RPS6KA5: variants seen among roughly 807,000 people sequenced by gnomAD.
The protein encoded by RPS6KA5 is ribosomal protein S6 kinase alpha-5.
RPS6KA5 carries 27 observed loss-of-function variants against 85.5 expected under a neutral mutation model. The observed-to-expected ratio is 0.32, with a 90% CI of 0.23 to 0.44. RPS6KA5 has a LOEUF of 0.44. Ranked by LOEUF, RPS6KA5 falls within the 20% of genes least tolerant of loss-of-function variation. The pLI, the probability that RPS6KA5 is intolerant of heterozygous loss-of-function variation, is 1.00. For synonymous variants in RPS6KA5, 334 were observed against 348.2 expected (o/e 0.96, Z 0.46); for missense variants, 811 against 980.9 (o/e 0.83, Z 2.31).
chr14:91,030,707 C>A (rs2042156233), intron 1 of RPS6KA5, among the ~76,000 whole-genome samples: 1 of 148,074 alleles, frequency 6.8e-6, no homozygotes, highest in Non-Finnish European at 1.5e-5. Context: ...GTATAATTAT[C>A]CTTAAGGAGG....
intron 1 of RPS6KA5, among the ~76,000 whole-genome samples, chr14:91,003,520 T>C (rs2040873021): frequency 6.6e-6 from 1 of 152,208 alleles, no homozygotes; most frequent in Non-Finnish European, 1.5e-5. Context: ...CTTTGGCTGC[T>C]ACAGGAGCTC....
At chr14:90,964,258 G>C (rs565944536) in intron 3 of RPS6KA5, among the ~76,000 whole-genome samples, 1 of 152,264 alleles carries the variant, frequency 6.6e-6, no homozygotes, top group East Asian at 1.9e-4. Flanking sequence ...CGGCTATGTA[G>C]CCTTGGGCGC....
At chr14:90,935,601 T>C (rs2037212983) in intron 5 of RPS6KA5, among the ~76,000 whole-genome samples, 1 of 152,182 alleles carries the variant, frequency 6.6e-6, no homozygotes. Flanking sequence ...AAAATGCCTC[T>C]TACATTGTCC....
chr14:90,998,138 T>C (rs1024277828), intron 2 of RPS6KA5, among the ~76,000 whole-genome samples: 1 of 152,052 alleles, frequency 6.6e-6, no homozygotes, highest in South Asian at 2.1e-4. Flanking sequence ...TACCTTTATA[T>C]GAAATGCCTA....
intron 3 of RPS6KA5, among the ~76,000 whole-genome samples, chr14:90,964,976 T>A (rs549880480): frequency 1.3e-5 from 2 of 148,922 alleles, no homozygotes; most frequent in African/African-American, 2.5e-5. Flanking sequence ...CAAACTTGGA[T>A]TGGCAAGTCA....
chr14:90,883,314 G>A (rs562858811), intron 14 of RPS6KA5, among the ~76,000 whole-genome samples: 174 of 151,748 alleles, frequency 1.1e-3, no homozygotes, highest in African/African-American at 4.0e-3. Flanking sequence ...GGCTCTGTTC[G>A]CTTTTTTTCA....
chr14:90,911,894 G>C (rs576079778), intron 7 of RPS6KA5, among the ~76,000 whole-genome samples: 2 of 152,234 alleles, frequency 1.3e-5, no homozygotes, highest in South Asian at 4.2e-4. Context: ...ACAATAAAAT[G>C]AGTTTCGCTT....
rs57029403 is a variant in RPS6KA5, at chr14:90,912,904, C to CTTTTTT, written c.807-6611_807-6606dup. ...TCTTCTTCACTGTCACATAAAGCAT[C>CTTTTTT]TTTTTTTTTTTTTTTTTTTTTTTTT... On this transcript the variant is annotated intron_variant, in intron 7 of 16. Transcript: ENST00000614987. 7.1e-4 allele frequency among the ~76,000 whole-genome samples: 38 copies of CTTTTTT among 53,284 alleles called. 2 individuals carry two copies. The highest frequency in any genetic ancestry group is 2.1e-3 in the East Asian group (3 of 1,432). 35.0% of individuals were successfully genotyped at this position (53,284 alleles called of 152,430 possible).
intron 8 of RPS6KA5, among the ~76,000 whole-genome samples, chr14:90,904,159 CA>C (rs1339847124): frequency 9.2e-5 from 14 of 152,108 alleles, no homozygotes; most frequent in South Asian, 2.1e-4. Flanking sequence ...CTGTGTTAGC[CA>C]GGATGGTCTC....
chr14:91,028,488 T>C (rs906699892), intron 1 of RPS6KA5, among the ~76,000 whole-genome samples: 5 of 151,958 alleles, frequency 3.3e-5, no homozygotes, highest in Non-Finnish European at 7.4e-5. Flanking sequence ...AGTGTTGGGA[T>C]TACAGGCATG....
rs1262610993 is a variant in RPS6KA5 at position 90,854,602 on chromosome 14, T to C, written c.*17472A>G. ...AGATTCCACAGCAAGGACACTGGAA[T>C]TTAAAAATCTGGAATACTTTAACAG... is the stretch of plus-strand genomic sequence containing the variant. On this transcript the variant is annotated 3_prime_UTR_variant, in exon 17 of 17. Coordinates refer to ENST00000614987, the MANE Select transcript of RPS6KA5 (RefSeq NM_004755.4). 1 of 152,156 alleles carries C rather than the reference T, an allele frequency of 6.6e-6. No individual in the cohort carries two copies. Among genetic ancestry groups the C allele is most frequent in the Non-Finnish European group, 1.5e-5 (1 of 68,006 alleles). The allele number at this position is 152,156 out of a possible 1,614,324, so 9.4% of individuals were successfully genotyped here. A position where few individuals can be genotyped will look rare whatever the true frequency, so the allele number is the denominator to read the frequency against.
chr14:90,920,287 C>T lies in RPS6KA5; in HGVS notation c.725G>A (p.Gly242Asp), dbSNP rs1032824605. The change falls in exon 7 of 17, where the codon GGT becomes GAT. Residue 242 changes from glycine (G) to aspartate (D), a missense_variant. Physicochemically the swap from Gly to Asp is moderately conservative, Grantham distance 94 (BLOSUM62 -1). Around this residue, in one of 3 missense-constraint regions of RPS6KA5, gnomAD observed 650 missense variants for 793.4 expected, o/e 0.82. Transcript: ENST00000614987. ...HDKAVDWWSL[G>D]VLMYELLTGA... ...AGTTAGTAATTCATACATTAGAACA[C>T]CCAAACTCCACCAGTCAACTGCCTA... The T allele has an allele frequency of 1.2e-6, 2 of 1,610,452 alleles. No individual in the cohort carries two copies. Among genetic ancestry groups the T allele is most frequent in the Non-Finnish European group, 1.7e-6 (2 of 1,177,314 alleles).
chr14:90,857,023 G>A lies in RPS6KA5; in HGVS notation c.*15051C>T, dbSNP rs561849356. The A allele has an allele frequency of 1.3e-5, 2 of 152,476 alleles. No homozygotes were observed. Among genetic ancestry groups the A allele is most frequent in the African/African-American group, 4.8e-5 (2 of 41,564 alleles). 9.4% of individuals were successfully genotyped at this position (152,476 alleles called of 1,614,324 possible). A position where few individuals can be genotyped will look rare whatever the true frequency, so the allele number is the denominator to read the frequency against. On this transcript the variant is annotated 3_prime_UTR_variant, in exon 17 of 17. Coordinates refer to ENST00000614987, the MANE Select transcript of RPS6KA5 (RefSeq NM_004755.4). Reference sequence around the variant, plus strand: ...CCAAGCCACAGGTGCTCAAGATGGCGAATCTGTCCTCCCAGTGCAGCCTAG... The same window carrying A: ...CCAAGCCACAGGTGCTCAAGATGGCAAATCTGTCCTCCCAGTGCAGCCTAG...
chr14:90,867,396 CA>C lies in RPS6KA5; in HGVS notation c.*4677del, dbSNP rs1292868803. The C allele has an allele frequency of 6.6e-6, 1 of 151,906 alleles. No individual in the cohort carries two copies. The highest frequency in any genetic ancestry group is 1.5e-5 in the Non-Finnish European group (1 of 67,966). The allele number at this position is 151,906 out of a possible 1,614,324, so 9.4% of individuals were successfully genotyped here. A position where few individuals can be genotyped will look rare whatever the true frequency, so the allele number is the denominator to read the frequency against. ...CAACATATAAATTAAAAGTGTTATG[CA>C]ATGAGAAACAATAATGGAAACAGCA... On this transcript the variant is annotated 3_prime_UTR_variant, in exon 17 of 17. Transcript: ENST00000614987.
At chr14:90,917,277 C>T (rs1438352651) in intron 7 of RPS6KA5, among the ~76,000 whole-genome samples, 1 of 152,184 alleles carries the variant, frequency 6.6e-6, no homozygotes, top group Non-Finnish European at 1.5e-5. Context: ...TTAACTTTGG[C>T]ATTAAATAAA....
intron 1 of RPS6KA5, among the ~76,000 whole-genome samples, chr14:91,003,368 T>A (rs2040868471): frequency 6.6e-6 from 1 of 152,212 alleles, no homozygotes; most frequent in African/African-American, 2.4e-5. Flanking sequence ...AAAGAGGTTA[T>A]AAATTAATTA....
chr14:91,049,593 C>T (rs192980628), intron 1 of RPS6KA5, among the ~76,000 whole-genome samples: 46 of 151,392 alleles, frequency 3.0e-4, no homozygotes, highest in Non-Finnish European at 1.0e-4. Flanking sequence ...CCAGCCTGGG[C>T]GACAGAGCAA....
chr14:90,899,236 T>C lies in RPS6KA5; in HGVS notation c.1473+93A>G. On this transcript the variant is annotated intron_variant, in intron 12 of 16. Coordinates refer to ENST00000614987, the MANE Select transcript of RPS6KA5 (RefSeq NM_004755.4). ...CTGGGTGATGTTCTATATCCCTGAC[T>C]CTGACCCAGCAGCACCAACAAAACG... The C allele has an allele frequency of 3.5e-6, 3 of 849,822 alleles. No homozygotes were observed. The South Asian group carries it at 4.8e-5, about 14-fold the overall frequency. 52.6% of individuals were successfully genotyped at this position (849,822 alleles called of 1,614,324 possible). A position where few individuals can be genotyped will look rare whatever the true frequency, so the allele number is the denominator to read the frequency against.
At chr14:90,925,380 T>C (rs1208713412) in intron 5 of RPS6KA5, among the ~76,000 whole-genome samples, 2 of 152,206 alleles carry the variant, frequency 1.3e-5, no homozygotes, top group African/African-American at 2.4e-5. Flanking sequence ...TAAATTCATC[T>C]GCTAGCACTC....
Sources: gnomAD v4.1 joint callset for allele counts (sites outside exome capture counted in the v4.1 genomes callset) on GRCh38, gnomAD v4.1.1 for gene constraint, gnomAD v4.1.1 regional missense constraint, MANE v1.5 for transcripts, NCBI Gene and HGNC (gene_info 2026-07-23, HGNC 2026-07-21) for gene names.